FAM3B: variants seen among roughly 807,000 people sequenced by gnomAD.
FAM3B encodes the protein FAM3 metabolism regulating signaling molecule B, also known as protein FAM3B.
FAM3B carries 29 observed loss-of-function variants against 28.4 expected under a neutral mutation model. The ratio of observed to expected loss-of-function variants is 1.02; its 90% CI spans 0.76 to 1.39. FAM3B has a LOEUF of 1.39. Ranked by LOEUF, FAM3B falls within the 40% of genes most tolerant of loss-of-function variation. FAM3B has a pLI of 0.00. For missense variants in FAM3B, 266 were observed against 293.9 expected (o/e 0.91, Z 0.69); for synonymous variants, 91 against 103.0 (o/e 0.88, Z 0.71).
chr21:41,334,350 C>T (rs1479821975), intron 2 of FAM3B, among the ~76,000 whole-genome samples: 1 of 152,306 alleles, frequency 6.6e-6, no homozygotes, highest in East Asian at 1.9e-4. Context: ...TCTTGTCACA[C>T]AGGCCCAGAG....
chr21:41,328,071 A>G (rs1434650478), intron 2 of FAM3B, among the ~76,000 whole-genome samples: 2 of 152,248 alleles, frequency 1.3e-5, no homozygotes, highest in East Asian at 3.8e-4. Context: ...TTCTGACAGC[A>G]GGGCCTGGTT....
chr21:41,346,768 T>G (rs2089064473), intron 5 of FAM3B, among the ~76,000 whole-genome samples: 1 of 152,098 alleles, frequency 6.6e-6, no homozygotes, highest in African/African-American at 2.4e-5. Flanking sequence ...CCTGAACACC[T>G]ATTGCAAGTG....
At chr21:41,314,890 A>AT (rs1188625322), upstream of FAM3B, among the ~76,000 whole-genome samples, 1 of 152,076 alleles carries the variant, frequency 6.6e-6, no homozygotes, top group Non-Finnish European at 1.5e-5. Flanking sequence ...TCCTCAAAAA[A>AT]TTAAGAATAG....
At chr21:41,351,921 C>G (rs2089123522) in intron 7 of FAM3B, among the ~76,000 whole-genome samples, 1 of 152,214 alleles carries the variant, frequency 6.6e-6, no homozygotes, top group Non-Finnish European at 1.5e-5. Flanking sequence ...GACTTGGCCA[C>G]CCCGACTGCA....
chr21:41,330,879 T>C (rs975006133), intron 2 of FAM3B, among the ~76,000 whole-genome samples: 3 of 152,282 alleles, frequency 2.0e-5, no homozygotes, highest in African/African-American at 7.2e-5. Context: ...TATTTGGCTA[T>C]TGTGAATAAT....
chr21:41,346,201 CT>C (rs1372246236), intron 5 of FAM3B: 1 of 158,018 alleles, frequency 6.3e-6, no homozygotes, highest in African/African-American at 2.4e-5. Flanking sequence ...ATGGTCTCTC[CT>C]TTCTAGGCAC....
At chr21:41,316,800 C>A (rs1239384764), upstream of FAM3B, 2 of 1,370,532 alleles carry the variant, frequency 1.5e-6, no homozygotes. Context: ...CCGCCCCTTG[C>A]CTTCCTGACC....
upstream of FAM3B, among the ~76,000 whole-genome samples, chr21:41,316,376 C>T (rs772568072): frequency 4.3e-4 from 66 of 152,332 alleles, no homozygotes; most frequent in South Asian, 1.0e-3. Context: ...AGCGACTGTT[C>T]TGGAGGAAGC....
intron 3 of FAM3B, among the ~76,000 whole-genome samples, chr21:41,339,023 C>T (rs531216176): frequency 5.9e-5 from 9 of 152,268 alleles, no homozygotes; most frequent in African/African-American, 1.7e-4. Flanking sequence ...ATAGTTTCTT[C>T]GTTTTATTTT....
intron 6 of FAM3B, 30 bp from the exon 7 acceptor site, chr21:41,348,562 T>C (rs769377835): frequency 1.2e-6 from 2 of 1,613,690 alleles, no homozygotes; most frequent in South Asian, 2.2e-5. Context: ...CTCCCTGAGA[T>C]GCTCACATGC....
chr21:41,343,992 C>T (rs188459997), intron 3 of FAM3B, among the ~76,000 whole-genome samples: 12 of 152,156 alleles, frequency 7.9e-5, no homozygotes, highest in Admixed American at 6.5e-5. Context: ...TAGTGGTGCA[C>T]GCTTGTACTT....
intron 1 of FAM3B, among the ~76,000 whole-genome samples, chr21:41,309,442 C>T (rs984504184): frequency 2.0e-5 from 3 of 152,190 alleles, no homozygotes; most frequent in Admixed American, 6.5e-5. Context: ...TTCCTGTCCT[C>T]CCATGCTGGC....
intron 2 of FAM3B, among the ~76,000 whole-genome samples, chr21:41,331,889 A>G (rs980159632): frequency 2.0e-5 from 3 of 152,140 alleles, no homozygotes; most frequent in Non-Finnish European, 4.4e-5. Flanking sequence ...TGATGTGGTA[A>G]TCACATTATT....
At chr21:41,354,607 C>T (rs929309962) in intron 7 of FAM3B, among the ~76,000 whole-genome samples, 1 of 152,082 alleles carries the variant, frequency 6.6e-6, no homozygotes, top group South Asian at 2.1e-4. Context: ...CACATTCCTA[C>T]TGATAAGTAG....
upstream of FAM3B, among the ~76,000 whole-genome samples, chr21:41,313,730 C>A (rs987459970): frequency 2.2e-4 from 33 of 151,702 alleles, no homozygotes; most frequent in African/African-American, 7.0e-4. Context: ...ATTCTTGAAC[C>A]TCATCATACA....
chr21:41,307,402 G>T (rs780204161), intron 1 of FAM3B, among the ~76,000 whole-genome samples: 1 of 152,182 alleles, frequency 6.6e-6, no homozygotes, highest in African/African-American at 2.4e-5. Context: ...CAGTAACAGG[G>T]CTATTTCACT....
intron 7 of FAM3B, among the ~76,000 whole-genome samples, chr21:41,354,391 A>G (rs1249308665): frequency 1.3e-5 from 2 of 152,370 alleles, no homozygotes; most frequent in East Asian, 3.9e-4. Context: ...TATGTTCATT[A>G]CAAAACTGTT....
chr21:41,347,204 C>A, intron 6 of FAM3B, 104 bp downstream of exon 6: 1 of 921,850 alleles, frequency 1.1e-6, no homozygotes, highest in Non-Finnish European at 1.8e-6. Context: ...GCAGAAAGTC[C>A]AGGAGCAAAG....
chr21:41,349,671 C>G lies in FAM3B; in HGVS notation c.618+947C>G, dbSNP rs2089097205. 2.0e-5 allele frequency among the ~76,000 whole-genome samples: 3 copies of G among 152,324 alleles called. No homozygotes were observed. In the South Asian group the frequency reaches 6.2e-4, roughly 32 times the overall value. On this transcript the variant is annotated intron_variant, in intron 7 of 7. Coordinates refer to ENST00000357985, the MANE Select transcript of FAM3B (RefSeq NM_058186.4). ...GGCATCTTCTTGTTGCCATGACCAC[C>G]TGAGGTAGAGGAGAAGGGGGCTGGA... is the stretch of plus-strand genomic sequence containing the variant.
Sources: allele counts gnomAD v4.1 joint callset (sites outside exome capture counted in the v4.1 genomes callset), GRCh38; gene constraint gnomAD v4.1.1; transcripts MANE v1.5; gene names NCBI Gene and HGNC (gene_info 2026-07-23, HGNC 2026-07-21).